Variants in JAZF1 observed in about 807,000 individuals in gnomAD.
JAZF1 encodes the protein JAZF zinc finger 1.
JAZF1 carries 8 observed loss-of-function variants against 26.4 expected under a neutral mutation model. The ratio of observed to expected loss-of-function variants is 0.30; its 90% CI spans 0.18 to 0.55. JAZF1 has a LOEUF of 0.55. Ranked by LOEUF, JAZF1 falls within the 20% of genes least tolerant of loss-of-function variation. The pLI, the probability that JAZF1 is intolerant of heterozygous loss-of-function variation, is 0.94. For synonymous variants in JAZF1, 126 were observed against 122.3 expected (o/e 1.03, Z -0.20); for missense variants, 199 against 322.0 (o/e 0.62, Z 2.92).
chr7:27,968,522 T>G (rs1373830436), intron 2 of JAZF1, among the ~76,000 whole-genome samples: 1 of 152,234 alleles, frequency 6.6e-6, no homozygotes, highest in African/African-American at 2.4e-5. Context: ...ACTTTGCTAT[T>G]ATATACAAAT....
intron 2 of JAZF1, among the ~76,000 whole-genome samples, chr7:27,917,930 G>A (rs1001639879): frequency 3.3e-5 from 5 of 152,150 alleles, no homozygotes; most frequent in Non-Finnish European, 7.4e-5. Context: ...GCCACATGAT[G>A]GTACTGCACT....
intron 1 of JAZF1, among the ~76,000 whole-genome samples, chr7:28,010,358 G>A (rs1243946863): frequency 6.6e-6 from 1 of 152,172 alleles, no homozygotes; most frequent in Non-Finnish European, 1.5e-5. Context: ...CACTCTCCAG[G>A]TTCTGTTCAC....
intron 1 of JAZF1, among the ~76,000 whole-genome samples, chr7:28,166,663 A>G (rs963395423): frequency 2.0e-5 from 3 of 152,254 alleles, no homozygotes; most frequent in South Asian, 2.1e-4. Context: ...AGAGAAAACT[A>G]TATTTATCAA....
intron 2 of JAZF1, among the ~76,000 whole-genome samples, chr7:27,931,434 A>C (rs1442336108): frequency 2.0e-5 from 3 of 152,218 alleles, no homozygotes; most frequent in Non-Finnish European, 4.4e-5. Context: ...AAAACACAGG[A>C]CTATTACATT....
intron 1 of JAZF1, among the ~76,000 whole-genome samples, chr7:28,107,976 T>A (rs1354428968): frequency 6.6e-6 from 1 of 152,104 alleles, no homozygotes; most frequent in Non-Finnish European, 1.5e-5. Context: ...TCAGAAGGCA[T>A]TTGCTCCATC....
At chr7:27,956,056 T>C (rs1785083215) in intron 2 of JAZF1, among the ~76,000 whole-genome samples, 1 of 152,190 alleles carries the variant, frequency 6.6e-6, no homozygotes, top group South Asian at 2.1e-4. Context: ...CATGACCTTG[T>C]TGTGTTCTGA....
At chr7:28,088,938 G>A (rs1194442252) in intron 1 of JAZF1, among the ~76,000 whole-genome samples, 2 of 152,058 alleles carry the variant, frequency 1.3e-5, no homozygotes, top group African/African-American at 4.8e-5. Context: ...CTCCAAACTA[G>A]GAGGACACTG....
chr7:28,057,377 G>C (rs1400480052), intron 1 of JAZF1, among the ~76,000 whole-genome samples: 1 of 152,106 alleles, frequency 6.6e-6, no homozygotes, highest in Non-Finnish European at 1.5e-5. Flanking sequence ...ACAAGCCCAA[G>C]GCATGTTAAG....
intron 1 of JAZF1, among the ~76,000 whole-genome samples, chr7:28,148,682 T>C (rs978288985): frequency 6.6e-6 from 1 of 152,244 alleles, no homozygotes; most frequent in African/African-American, 2.4e-5. Flanking sequence ...TTGAAACACA[T>C]TTACCAAGTT....
intron 1 of JAZF1, among the ~76,000 whole-genome samples, chr7:28,055,239 T>G (rs183579475): frequency 6.6e-5 from 10 of 152,232 alleles, no homozygotes; most frequent in Admixed American, 2.0e-4. Flanking sequence ...ATCCCCTTTT[T>G]GCATCACTAA....
chr7:28,068,961 G>A (rs1038911154), intron 1 of JAZF1, among the ~76,000 whole-genome samples: 2 of 152,194 alleles, frequency 1.3e-5, no homozygotes, highest in Non-Finnish European at 2.9e-5. Flanking sequence ...ATGACTGAAT[G>A]TTGTACAAAA....
chr7:28,081,506 C>T (rs552798003), intron 1 of JAZF1, among the ~76,000 whole-genome samples: 3 of 152,304 alleles, frequency 2.0e-5, no homozygotes, highest in East Asian at 1.9e-4. Context: ...TACTTCTTCA[C>T]GCTGCTTAGC....
chr7:28,115,467 G>C (rs979011138), intron 1 of JAZF1, among the ~76,000 whole-genome samples: 1 of 152,050 alleles, frequency 6.6e-6, no homozygotes, highest in African/African-American at 2.4e-5. Flanking sequence ...TACCATAACG[G>C]ACAGCACAAC....
intron 2 of JAZF1, among the ~76,000 whole-genome samples, chr7:27,934,593 T>C (rs905459723): frequency 2.6e-5 from 4 of 152,224 alleles, no homozygotes. Flanking sequence ...GGAGCACTTA[T>C]ATTTGGCTCC....
intron 2 of JAZF1, among the ~76,000 whole-genome samples, chr7:27,939,671 G>T (rs939955526): frequency 4.6e-5 from 7 of 152,164 alleles, no homozygotes; most frequent in African/African-American, 1.7e-4. Flanking sequence ...GGAAGACCCT[G>T]TATGTAAGGC....
At chr7:28,136,367 C>G (rs1782886497) in intron 1 of JAZF1, among the ~76,000 whole-genome samples, 1 of 152,204 alleles carries the variant, frequency 6.6e-6, no homozygotes, top group Non-Finnish European at 1.5e-5. Context: ...GAACCAGTTC[C>G]TGCCCTGCTG....
chr7:28,018,452 G>A (rs1057476629), intron 1 of JAZF1, among the ~76,000 whole-genome samples: 18 of 152,140 alleles, frequency 1.2e-4, no homozygotes, highest in African/African-American at 3.6e-4. Flanking sequence ...CTGAAAAGAC[G>A]GCCCCAGAAT....
At chr7:28,170,495 G>A (rs369725987) in intron 1 of JAZF1, among the ~76,000 whole-genome samples, 5 of 152,038 alleles carry the variant, frequency 3.3e-5, no homozygotes, top group East Asian at 1.9e-4. Flanking sequence ...ACCAGTTAGC[G>A]TCTTTGGACA....
chr7:27,834,571 C>CA (rs1782769613), intron 4 of JAZF1, among the ~76,000 whole-genome samples: 1 of 152,190 alleles, frequency 6.6e-6, no homozygotes, highest in African/African-American at 2.4e-5. Flanking sequence ...TGTTAAGAGG[C>CA]ATGTTGGGGG....
Sources: gnomAD v4.1 joint callset for allele counts (sites outside exome capture counted in the v4.1 genomes callset) on GRCh38, gnomAD v4.1.1 for gene constraint, MANE v1.5 for transcripts, NCBI Gene and HGNC (gene_info 2026-07-23, HGNC 2026-07-21) for gene names.